Variants in SV2C observed in about 807,000 individuals in gnomAD.
SV2C encodes solute carrier family 22 member B3.
Under a neutral mutation model 79.7 loss-of-function variants are expected in SV2C, and 49 were observed. That is an observed-to-expected ratio of 0.61 (90% CI 0.49 to 0.78). SV2C has a LOEUF of 0.78. Ranked by LOEUF, SV2C falls within the 30% of genes least tolerant of loss-of-function variation. The pLI is 0.00. For missense variants in SV2C, 833 were observed against 912.9 expected (o/e 0.91, Z 1.13); for synonymous variants, 334 against 333.2 (o/e 1.00, Z -0.03).
chr5:76,331,418 C>T lies in SV2C; in HGVS notation c.*5871C>T, dbSNP rs566713885. 1 of 152,358 alleles carries T rather than the reference C, an allele frequency of 6.6e-6. No individual in the cohort carries two copies. The highest frequency in any genetic ancestry group is 1.5e-5 in the Non-Finnish European group (1 of 68,066). 9.4% of individuals were successfully genotyped at this position (152,358 alleles called of 1,614,324 possible). A position where few individuals can be genotyped will look rare whatever the true frequency, so the allele number is the denominator to read the frequency against. ...TCGCTACCCTCAGCAGATAAGCCAT[C>T]CAGAAAACAGGTTCTGACAGCCAGT... On this transcript the variant is annotated 3_prime_UTR_variant, in exon 13 of 13. Transcript: ENST00000502798.
intron 12 of SV2C, among the ~76,000 whole-genome samples, chr5:76,320,091 T>C (rs1375150634): frequency 6.6e-6 from 1 of 151,758 alleles, no homozygotes; most frequent in Non-Finnish European, 1.5e-5. Flanking sequence ...GTGGGAGGAT[T>C]GCTTGAGCCC....
chr5:75,886,186 A>G, the SV2C span, among the ~76,000 whole-genome samples: 2 of 152,168 alleles, frequency 1.3e-5, no homozygotes, highest in African/African-American at 4.8e-5. Context: ...CATCACTCCT[A>G]GGAGCTCATC....
At chr5:76,040,651 C>T in the SV2C span, among the ~76,000 whole-genome samples, 31,900 of 152,050 alleles carry the variant, frequency 0.21, 3,692 homozygotes, top group East Asian at 0.49. Flanking sequence ...CCAGTTGCTT[C>T]TTTCGAAGCA....
At chr5:75,871,108 TA>T in the SV2C span, among the ~76,000 whole-genome samples, 3 of 152,220 alleles carry the variant, frequency 2.0e-5, no homozygotes, top group East Asian at 5.8e-4. Context: ...AATCTATTTA[TA>T]TAATATGCCA....
intron 12 of SV2C, among the ~76,000 whole-genome samples, chr5:76,351,455 A>C (rs1321160803): frequency 6.6e-6 from 1 of 150,612 alleles, no homozygotes; most frequent in African/African-American, 2.4e-5. Flanking sequence ...CTCAAAAAAA[A>C]AAAAAATAGT....
At chr5:75,858,389 A>T in the SV2C span, among the ~76,000 whole-genome samples, 520 of 152,260 alleles carry the variant, frequency 3.4e-3, 1 homozygote, top group African/African-American at 0.012. Flanking sequence ...CATTCTGTTG[A>T]TATTAATGAT....
the SV2C span, among the ~76,000 whole-genome samples, chr5:75,994,500 C>A: frequency 6.6e-6 from 1 of 152,060 alleles, no homozygotes; most frequent in African/African-American, 2.4e-5. Flanking sequence ...GAACAAGTAA[C>A]TGGACCTCAG....
chr5:76,244,422 C>G (rs903199633), intron 4 of SV2C, among the ~76,000 whole-genome samples: 4 of 152,054 alleles, frequency 2.6e-5, no homozygotes, highest in African/African-American at 7.3e-5. Context: ...ATAACATGAG[C>G]CACAAATGTA....
intron 4 of SV2C, among the ~76,000 whole-genome samples, chr5:76,259,347 G>A (rs11958477): frequency 6.6e-6 from 1 of 152,156 alleles, no homozygotes; most frequent in African/African-American, 2.4e-5. Context: ...ACCAACCTTA[G>A]GCAGGCCTGG....
chr5:76,275,581 C>A (rs963437374), intron 4 of SV2C, among the ~76,000 whole-genome samples: 1 of 152,044 alleles, frequency 6.6e-6, no homozygotes, highest in Non-Finnish European at 1.5e-5. Flanking sequence ...AGAGCCCAGA[C>A]AAGAACATGA....
the SV2C span, among the ~76,000 whole-genome samples, chr5:75,961,814 A>G: frequency 6.6e-6 from 1 of 152,124 alleles, no homozygotes; most frequent in Non-Finnish European, 1.5e-5. Context: ...CTCAACTACC[A>G]TATTAAACTG....
At chr5:76,129,622 T>C (rs996975327) in intron 1 of SV2C, among the ~76,000 whole-genome samples, 14 of 152,208 alleles carry the variant, frequency 9.2e-5, no homozygotes, top group African/African-American at 3.1e-4. Flanking sequence ...GTGGCTCCTA[T>C]ACAAGGACCT....
chr5:76,150,457 C>G (rs192337941), intron 2 of SV2C, among the ~76,000 whole-genome samples: 1 of 151,388 alleles, frequency 6.6e-6, no homozygotes, highest in Non-Finnish European at 1.5e-5. Context: ...ATTACAGGCG[C>G]GAGCCACGGC....
At chr5:76,196,922 C>T (rs764873568) in intron 3 of SV2C, among the ~76,000 whole-genome samples, 2 of 152,162 alleles carry the variant, frequency 1.3e-5, no homozygotes, top group Non-Finnish European at 2.9e-5. Flanking sequence ...TGTCCAGAAG[C>T]GAATTCAAGG....
At chr5:76,348,189 A>C (rs558679768) in intron 12 of SV2C, among the ~76,000 whole-genome samples, 1 of 152,164 alleles carries the variant, frequency 6.6e-6, no homozygotes, top group Admixed American at 6.5e-5. Flanking sequence ...GCCTTTTCAG[A>C]TTGGCTTTTT....
At chr5:75,964,546 C>A in the SV2C span, among the ~76,000 whole-genome samples, 1 of 152,112 alleles carries the variant, frequency 6.6e-6, no homozygotes, top group Admixed American at 6.6e-5. Flanking sequence ...TGGTTTTAGC[C>A]TCCTTCTCAG....
the SV2C span, among the ~76,000 whole-genome samples, chr5:75,882,432 G>T: frequency 6.6e-6 from 1 of 150,724 alleles, no homozygotes; most frequent in East Asian, 1.9e-4. Context: ...AAAAGAGCCT[G>T]CATCGCCAAG....
At chr5:75,930,097 T>A in the SV2C span, among the ~76,000 whole-genome samples, 131 of 152,310 alleles carry the variant, frequency 8.6e-4, no homozygotes, top group African/African-American at 2.7e-3. Context: ...GATCTGTTCC[T>A]TTTTCCTCCA....
chr5:76,033,178 G>A, the SV2C span, among the ~76,000 whole-genome samples: 1 of 151,858 alleles, frequency 6.6e-6, no homozygotes, highest in Admixed American at 6.6e-5. Context: ...TTGCAAAAAT[G>A]TTCTCCCATT....
Sources: gnomAD v4.1 joint callset for allele counts (sites outside exome capture counted in the v4.1 genomes callset) on GRCh38, gnomAD v4.1.1 for gene constraint, MANE v1.5 for transcripts, NCBI Gene and HGNC (gene_info 2026-07-23, HGNC 2026-07-21) for gene names.